Variants in KCNG1 observed in about 807,000 individuals in gnomAD.
KCNG1 encodes the protein voltage-gated potassium channel regulatory subunit KCNG1.
A neutral mutation model predicts 32.4 loss-of-function variants in KCNG1; 17 were observed. The ratio of observed to expected loss-of-function variants is 0.52; its 90% confidence interval spans 0.36 to 0.79. KCNG1 has a LOEUF of 0.79. KCNG1 is among the 30% of genes least tolerant of loss of function. The pLI is 0.00. For synonymous variants in KCNG1, 358 were observed against 339.9 expected (o/e 1.05, Z -0.59); for missense variants, 441 against 735.2 (o/e 0.60, Z 4.63).
At chr20:51,021,059 G>C (rs1003948151) in intron 1 of KCNG1, among the ~76,000 whole-genome samples, 1 of 152,216 alleles carries the variant, frequency 6.6e-6, no homozygotes, top group Non-Finnish European at 1.5e-5. Flanking sequence ...CTAGGGGTTT[G>C]GTTGATTTTT....
chr20:51,021,964 G>T (rs932518621), intron 1 of KCNG1, among the ~76,000 whole-genome samples: 1 of 152,006 alleles, frequency 6.6e-6, no homozygotes, highest in South Asian at 2.1e-4. Flanking sequence ...GAATGCATTA[G>T]ATGAACCAAG....
chr20:51,010,242 G>A lies in KCNG1; in HGVS notation c.97C>T (p.Gln33Ter). The A allele has an allele frequency of 6.5e-7, 1 of 1,544,944 alleles. No individual in the cohort carries two copies. Among genetic ancestry groups the A allele is most frequent in the Non-Finnish European group, 8.7e-7 (1 of 1,153,186 alleles). Residue 33 changes from glutamine (Q) to a stop codon, truncating the protein, a stop_gained, in exon 2 of 3, where the codon CAG becomes TAG. Transcript: ENST00000371571. LOFTEE classifies it high-confidence loss of function. Reference sequence around the variant, plus strand: ...CGGTAGAACGCGCCCTTGATGGCCTGGCGCTGCGGGAGGAAGGCCGGGTGG... The same window carrying A: ...CGGTAGAACGCGCCCTTGATGGCCTAGCGCTGCGGGAGGAAGGCCGGGTGG... Reference protein sequence around the residue: ...SFHPAFLPQRQAIKGAFYRRA... With the variant: ...SFHPAFLPQR
At chr20:51,010,442 T>C (rs1036097110) in intron 1 of KCNG1, 78 bp from the exon 2 acceptor site, 30 of 982,044 alleles carry the variant, frequency 3.1e-5, no homozygotes, top group Non-Finnish European at 4.1e-5. Context: ...TCCGCAGATA[T>C]TCACTGTTAG....
chr20:51,010,592 T>C (rs1988045692), intron 1 of KCNG1, among the ~76,000 whole-genome samples: 1 of 152,108 alleles, frequency 6.6e-6, no homozygotes, highest in Non-Finnish European at 1.5e-5. Flanking sequence ...GGATTCGTGT[T>C]CTTATAAGAG....
In KCNG1 at chr20:51,010,005, A is replaced by G; in HGVS notation, c.334T>C (p.Cys112Arg). 6.2e-7 allele frequency: 1 copy of G among 1,614,068 alleles called. No individual in the cohort carries two copies. The highest frequency in any genetic ancestry group is 8.5e-7 in the Non-Finnish European group (1 of 1,179,972). ...LNVCDDYDVT[C>R]NEFFFDRNPG... ...TTGCGGTCGAAGAAGAACTCGTTGCAGGTGACGTCGTAGTCATCGCACACG... is the reference window on the plus strand; with the variant it reads ...TTGCGGTCGAAGAAGAACTCGTTGCGGGTGACGTCGTAGTCATCGCACACG... The change falls in exon 2 of 3, where the codon TGC (cysteine) becomes CGC (arginine). Residue 112 changes from cysteine (C) to arginine (R), a missense_variant. This residue lies in a region of KCNG1 where 70 missense variants were observed against 158.4 expected (regional missense o/e 0.44). Transcript: ENST00000371571.
chr20:51,017,363 T>C (rs139209330), intron 1 of KCNG1, among the ~76,000 whole-genome samples: 1 of 152,332 alleles, frequency 6.6e-6, no homozygotes, highest in African/African-American at 2.4e-5. Context: ...ACACATTACA[T>C]ATTTTACAAG....
chr20:51,012,141 A>G (rs1474427367), intron 1 of KCNG1, among the ~76,000 whole-genome samples: 1 of 152,224 alleles, frequency 6.6e-6, no homozygotes, highest in Non-Finnish European at 1.5e-5. Context: ...CCATTAATGG[A>G]AAACAGATAC....
chr20:51,012,017 T>C (rs186631436), intron 1 of KCNG1, among the ~76,000 whole-genome samples: 2 of 152,238 alleles, frequency 1.3e-5, no homozygotes, highest in African/African-American at 4.8e-5. Flanking sequence ...GGTCTTGAAC[T>C]CCTGACCTCA....
chr20:51,010,846 G>T (rs562920056), intron 1 of KCNG1, among the ~76,000 whole-genome samples: 1 of 151,784 alleles, frequency 6.6e-6, no homozygotes, highest in South Asian at 2.1e-4. Flanking sequence ...AGTGAGCCGA[G>T]ATCATGCCAC....
chr20:51,004,392 C>T lies in KCNG1; in HGVS notation c.1189G>A (p.Val397Ile). 1 of 1,613,550 alleles carries T rather than the reference C, an allele frequency of 6.2e-7. No homozygotes were observed. Among genetic ancestry groups the T allele is most frequent in the Non-Finnish European group, 8.5e-7 (1 of 1,179,554 alleles). The change falls in exon 3 of 3, where the codon GTC becomes ATC. Residue 397 changes from valine to isoleucine, a missense_variant. Val to Ile is a conservative substitution (Grantham distance 29). Transcript: ENST00000371571. The surrounding 1 kb of genome is among the most constrained non-coding windows in gnomAD (Gnocchi z 4.3). ...CTGTCGGCCATCTCGTTCTCGATGA[C>T]GTAGAGCAGGGGCGCGAAGAGGGCG... ...AIALFAPLLYVIENEMADSPE... is the reference protein window; with the variant it reads ...AIALFAPLLYIIENEMADSPE...
At chr20:51,021,101 G>A (rs1988463787) in intron 1 of KCNG1, among the ~76,000 whole-genome samples, 1 of 152,240 alleles carries the variant, frequency 6.6e-6, no homozygotes, top group Non-Finnish European at 1.5e-5. Context: ...CCAGGCTGTA[G>A]GCTGCGGGCC....
intron 1 of KCNG1, 138 bp from the exon 2 acceptor site, chr20:51,010,502 A>C: frequency 1.6e-6 from 1 of 639,500 alleles, no homozygotes; most frequent in Non-Finnish European, 2.6e-6. Flanking sequence ...CCTAGCCCTC[A>C]ATGGGATGGT....
chr20:51,019,106 A>T (rs1336543028), intron 1 of KCNG1, among the ~76,000 whole-genome samples: 5 of 152,148 alleles, frequency 3.3e-5, no homozygotes, highest in African/African-American at 4.8e-5. Context: ...GGCCTCTGGG[A>T]AGGAGATGTT....
chr20:51,016,489 C>T (rs1988285178), intron 1 of KCNG1, among the ~76,000 whole-genome samples: 1 of 152,048 alleles, frequency 6.6e-6, no homozygotes, highest in African/African-American at 2.4e-5. Flanking sequence ...TGGTTCTCCT[C>T]CAGCTTGGGG....
rs1568802343 is a variant in KCNG1, at chr20:51,013,057, A to G, written c.-26-2693T>C. On this transcript the variant is annotated intron_variant, in intron 1 of 2. Coordinates refer to ENST00000371571, the MANE Select transcript of KCNG1 (RefSeq NM_002237.4). Reference sequence around the variant, plus strand: ...GGTGGCTCAGGCCTGTAATCCCAGCACTTTGGGAGGCCGAGGTGGGTGGAT... The same window carrying G: ...GGTGGCTCAGGCCTGTAATCCCAGCGCTTTGGGAGGCCGAGGTGGGTGGAT... Among the ~76,000 whole-genome samples the G allele has an allele frequency of 2.0e-5, 3 of 152,286 alleles. No individual in the cohort carries two copies. In the East Asian group the frequency reaches 5.8e-4, roughly 29 times the overall value.
intron 2 of KCNG1, chr20:51,008,088 A>G (rs533391908): frequency 6.6e-6 from 1 of 152,268 alleles, no homozygotes; most frequent in Admixed American, 6.5e-5. Context: ...CGCCATACCT[A>G]TTTCTCCACT....
Position 51,015,700 on chromosome 20 carries a change from A to G in KCNG1, c.-26-5336T>C, listed in dbSNP as rs1988256562. On this transcript the variant is annotated intron_variant, in intron 1 of 2. Coordinates refer to ENST00000371571, the MANE Select transcript of KCNG1 (RefSeq NM_002237.4). The surrounding 1 kb of genome is among the most constrained non-coding windows in gnomAD (Gnocchi z 4.4). ...CCCACGTCCTAATCCTAATCCCTGG[A>G]AGCTGTGACTACGTTAGACTGCATG... 6.6e-6 allele frequency among the ~76,000 whole-genome samples: 1 copy of G among 152,184 alleles called. No individual in the cohort carries two copies. Among genetic ancestry groups the G allele is most frequent in the Admixed American group, 6.5e-5 (1 of 15,278 alleles).
At chr20:51,008,418 C>T (rs539835821) in intron 2 of KCNG1, among the ~76,000 whole-genome samples, 1 of 152,180 alleles carries the variant, frequency 6.6e-6, no homozygotes, top group Non-Finnish European at 1.5e-5. Flanking sequence ...GCAGCCTTAC[C>T]TCCCAGGCTC....
intron 1 of KCNG1, among the ~76,000 whole-genome samples, chr20:51,021,331 C>T (rs1158604976): frequency 6.6e-6 from 1 of 152,050 alleles, no homozygotes; most frequent in Non-Finnish European, 1.5e-5. Context: ...CTGCAGGGCT[C>T]CAAAAGCCGG....
Sources: gnomAD v4.1 joint callset for allele counts (sites outside exome capture counted in the v4.1 genomes callset) on GRCh38, gnomAD v4.1.1 for gene constraint, gnomAD v4.1.1 regional missense constraint, Gnocchi (gnomAD v3.1) non-coding constraint, MANE v1.5 for transcripts, NCBI Gene and HGNC (gene_info 2026-07-23, HGNC 2026-07-21) for gene names.